Variants in ARHGAP24 observed in about 807,000 individuals in gnomAD.
ARHGAP24 encodes Rho GTPase activating protein 24.
Under a neutral mutation model 76.4 loss-of-function variants are expected in ARHGAP24, and 50 were observed. The observed-to-expected ratio is 0.65, with a 90% CI of 0.52 to 0.83. The LOEUF is 0.83. Among genes scored for constraint, ARHGAP24 ranks in the 40% least tolerant of loss-of-function variants. The pLI, the probability that ARHGAP24 is intolerant of heterozygous loss-of-function variation, is 0.00. For synonymous variants in ARHGAP24, 345 were observed against 323.3 expected, an observed-to-expected ratio of 1.07 and a Z score of -0.72; for missense variants, 930 against 914.2, an observed-to-expected ratio of 1.02 and a Z score of -0.22.
chr4:85,798,141 T>C (rs192481897), intron 3 of ARHGAP24, among the ~76,000 whole-genome samples: 4 of 152,286 alleles, frequency 2.6e-5, no homozygotes, highest in African/African-American at 9.6e-5. Context: ...TTGCAAGATA[T>C]AACTTCTTTT....
chr4:85,588,559 TGTGCA>T (rs1342774391), intron 2 of ARHGAP24, among the ~76,000 whole-genome samples: 2 of 152,214 alleles, frequency 1.3e-5, no homozygotes, highest in African/African-American at 4.8e-5. Context: ...TAGCACATTG[TGTGCA>T]CACAGTATGC....
chr4:85,565,443 A>T (rs1726802801), intron 1 of ARHGAP24, among the ~76,000 whole-genome samples: 2 of 152,098 alleles, frequency 1.3e-5, no homozygotes, highest in Admixed American at 1.3e-4. Context: ...TGTTTCTTTG[A>T]CTGATTGAGG....
intron 3 of ARHGAP24, among the ~76,000 whole-genome samples, chr4:85,850,989 A>T (rs4693130): frequency 2.0e-5 from 3 of 151,916 alleles, no homozygotes; most frequent in Non-Finnish European, 4.4e-5. Flanking sequence ...GCTGAGTTCA[A>T]GTCCTGGATA....
intron 3 of ARHGAP24, among the ~76,000 whole-genome samples, chr4:85,856,927 G>T (rs1051142597): frequency 6.6e-6 from 1 of 151,798 alleles, no homozygotes; most frequent in African/African-American, 2.4e-5. Context: ...ACTGTTTTTG[G>T]CAACTGACTT....
chr4:85,959,279 A>C (rs138503364), intron 5 of ARHGAP24, among the ~76,000 whole-genome samples: 181 of 152,242 alleles, frequency 1.2e-3, no homozygotes, highest in Non-Finnish European at 2.2e-3. Context: ...GGATGACCAG[A>C]GGTCAGTCTC....
chr4:85,624,375 T>C (rs1435362338), intron 2 of ARHGAP24, among the ~76,000 whole-genome samples: 1 of 152,224 alleles, frequency 6.6e-6, no homozygotes, highest in African/African-American at 2.4e-5. Flanking sequence ...TCTGTTTATA[T>C]GCTGGATTAC....
chr4:85,476,178 T>A (rs1722590570), intron 1 of ARHGAP24, among the ~76,000 whole-genome samples: 1 of 151,722 alleles, frequency 6.6e-6, no homozygotes, highest in Non-Finnish European at 1.5e-5. Flanking sequence ...CAAATGTTTT[T>A]AAAAATAACA....
intron 2 of ARHGAP24, among the ~76,000 whole-genome samples, chr4:85,601,845 C>A (rs1402279865): frequency 6.6e-6 from 1 of 152,048 alleles, no homozygotes; most frequent in African/African-American, 2.4e-5. Flanking sequence ...GTTTGCAGGT[C>A]CTCCAAAACT....
chr4:85,655,818 A>AGAGAAAGAGAGAGAG (rs1237643654), intron 2 of ARHGAP24, among the ~76,000 whole-genome samples: 1 of 35,506 alleles, frequency 2.8e-5, no homozygotes, highest in Non-Finnish European at 5.1e-5. Flanking sequence ...GAGAGAGAGA[A>AGAGAAAGAGAGAGAG]AGAGAGAGAG....
At chr4:85,713,896 T>C (rs1724626447) in intron 2 of ARHGAP24, among the ~76,000 whole-genome samples, 1 of 152,114 alleles carries the variant, frequency 6.6e-6, no homozygotes, top group African/African-American at 2.4e-5. Context: ...TCCAGACAAA[T>C]GTTGAATGCC....
chr4:85,791,052 T>C lies in ARHGAP24; in HGVS notation c.268+69080T>C, dbSNP rs180961283. On this transcript the variant is annotated intron_variant, in intron 3 of 9. Coordinates refer to ENST00000395184, the MANE Select transcript of ARHGAP24 (RefSeq NM_001025616.3). ...CTGTAAGAACTAAATAGTAGGCTTA[T>C]GCAGCAGATTGAGAATCCAATGCTA... Among the ~76,000 whole-genome samples, 9 of 152,338 alleles carry C rather than the reference T, an allele frequency of 5.9e-5. No homozygotes were observed. The East Asian group carries it at 1.7e-3, about 29-fold the overall frequency.
At chr4:85,946,976 T>C (rs147233251) in intron 5 of ARHGAP24, among the ~76,000 whole-genome samples, 6 of 152,270 alleles carry the variant, frequency 3.9e-5, no homozygotes, top group Non-Finnish European at 7.4e-5. Flanking sequence ...CTTTTCTCCT[T>C]GGCCTCACCA....
chr4:85,483,307 A>C (rs1722887568), intron 1 of ARHGAP24, among the ~76,000 whole-genome samples: 1 of 152,184 alleles, frequency 6.6e-6, no homozygotes, highest in Non-Finnish European at 1.5e-5. Context: ...ATAAGATAGA[A>C]TAGATGGAAA....
chr4:85,858,659 A>G (rs345359), intron 3 of ARHGAP24, among the ~76,000 whole-genome samples: 32,741 of 151,990 alleles, frequency 0.22, 4,534 homozygotes, highest in Non-Finnish European at 0.32. Flanking sequence ...GCCTCTGTAG[A>G]CAAGATGATT....
At chr4:85,992,529 A>G (rs1465203973) in intron 8 of ARHGAP24, among the ~76,000 whole-genome samples, 4 of 152,166 alleles carry the variant, frequency 2.6e-5, no homozygotes, top group African/African-American at 9.7e-5. Context: ...AAATGTTAAC[A>G]TTCCAATGAT....
intron 1 of ARHGAP24, among the ~76,000 whole-genome samples, chr4:85,549,727 C>T (rs1269883377): frequency 1.3e-5 from 2 of 152,238 alleles, no homozygotes; most frequent in Non-Finnish European, 1.5e-5. Flanking sequence ...GCACAGTGCT[C>T]CACAGGTAGT....
intron 3 of ARHGAP24, among the ~76,000 whole-genome samples, chr4:85,740,667 A>G (rs1170905183): frequency 1.3e-5 from 2 of 152,202 alleles, no homozygotes; most frequent in South Asian, 2.1e-4. Context: ...TATGAGGACT[A>G]TTATATTTCT....
chr4:85,520,548 G>A lies in ARHGAP24; in HGVS notation c.-21+44989G>A, dbSNP rs557160925. On this transcript the variant is annotated intron_variant, in intron 1 of 9. Coordinates refer to ENST00000395184, the MANE Select transcript of ARHGAP24 (RefSeq NM_001025616.3). ...TCAGTAATAAATATTTACAAATGTG[G>A]GCAATGATGGGGGGAAGGAAATTTC... is the stretch of plus-strand genomic sequence containing the variant. Among the ~76,000 whole-genome samples the A allele has an allele frequency of 3.3e-5, 5 of 152,148 alleles. No homozygotes were observed. In the South Asian group the frequency reaches 1.0e-3, roughly 32 times the overall value.
At chr4:85,979,860 AT>A (rs1739551951) in intron 8 of ARHGAP24, among the ~76,000 whole-genome samples, 1 of 152,214 alleles carries the variant, frequency 6.6e-6, no homozygotes, top group Non-Finnish European at 1.5e-5. Flanking sequence ...TATTTAAAAA[AT>A]ATCATTATAA....
Sources: allele counts gnomAD v4.1 joint callset (sites outside exome capture counted in the v4.1 genomes callset), GRCh38; gene constraint gnomAD v4.1.1; transcripts MANE v1.5; gene names NCBI Gene and HGNC (gene_info 2026-07-23, HGNC 2026-07-21).